The following PDIK1L variants were observed in gnomAD, a reference collection of about 807,000 sequenced individuals.
The protein encoded by PDIK1L is PDLIM1 interacting kinase 1 like, also known as serine/threonine-protein kinase PDIK1L.
PDIK1L carries 9 observed loss-of-function variants against 27.1 expected under a neutral mutation model. The observed-to-expected ratio is 0.33, with a 90% CI of 0.20 to 0.58. The LOEUF is 0.58. Ranked by LOEUF, PDIK1L falls within the 20% of genes least tolerant of loss-of-function variation. The pLI is 0.86. For synonymous variants in PDIK1L, 130 were observed against 141.7 expected (o/e 0.92, Z 0.59); for missense variants, 216 against 413.2 (o/e 0.52, Z 4.14).
rs111424181 is a variant in PDIK1L at position 26,113,334 on chromosome 1, C to CA, written c.-17-949dup. ...GAAACCCCGTCTCTACTAAAAAATA[C>CA]AAAAAAAAATAGCCGGGTGTGGTGG... On this transcript the variant is annotated intron_variant, in intron 1 of 2. Transcript: ENST00000374269. Among the ~76,000 whole-genome samples, 116 of 149,894 alleles carry CA rather than the reference C, an allele frequency of 7.7e-4. 1 individual carries two copies. Among genetic ancestry groups the CA allele is most frequent in the South Asian group, 3.6e-3 (17 of 4,738 alleles).
chr1:26,115,838 A>C (rs779657361), intron 2 of PDIK1L, among the ~76,000 whole-genome samples: 2 of 151,814 alleles, frequency 1.3e-5, no homozygotes, highest in Admixed American at 1.3e-4. Context: ...CATTCTTGGA[A>C]AAGAAAACAA....
Position 26,122,147 on chromosome 1 carries a change from C to A in PDIK1L, c.596C>A (p.Ala199Asp). ...TTTGGTCTAAGTAAAGTTTGTTCAG[C>A]CTCTGGGCAGAACCCAGAAGAACCT... ...ADFGLSKVCS[A>D]SGQNPEEPVS... The change falls in exon 3 of 3, where the codon GCC becomes GAC. Residue 199 changes from alanine to aspartate, a missense_variant. Around this residue, in one of 2 missense-constraint regions of PDIK1L, gnomAD observed 169 missense variants for 366.0 expected, o/e 0.46. Transcript: ENST00000374269. The surrounding 1 kb of genome is among the most constrained non-coding windows in gnomAD (Gnocchi z 5.4). 2 of 1,614,134 alleles carry A rather than the reference C, an allele frequency of 1.2e-6. No individual in the cohort carries two copies. Among genetic ancestry groups the A allele is most frequent in the Non-Finnish European group, 1.7e-6 (2 of 1,180,020 alleles).
intron 2 of PDIK1L, among the ~76,000 whole-genome samples, chr1:26,116,566 A>T (rs986224379): frequency 1.3e-5 from 2 of 152,214 alleles, no homozygotes; most frequent in Non-Finnish European, 2.9e-5. Flanking sequence ...AAAGTTTTGG[A>T]CTAGGAACAA....
intron 1 of PDIK1L, among the ~76,000 whole-genome samples, chr1:26,113,512 A>G (rs2087832036): frequency 1.3e-5 from 2 of 151,950 alleles, no homozygotes; most frequent in South Asian, 2.1e-4. Context: ...AAAAAAAAAA[A>G]AAAAAAAGAA....
chr1:26,111,616 C>T (rs1569795353), upstream of PDIK1L, among the ~76,000 whole-genome samples: 1 of 151,620 alleles, frequency 6.6e-6, no homozygotes, highest in East Asian at 2.0e-4. This position sits in a 1 kb window ranked among gnomAD's most constrained non-coding sequence, Gnocchi z 4.0. Flanking sequence ...GGAGCAGCAC[C>T]AGTGGTGCGC....
chr1:26,120,780 C>T (rs1229800029), intron 2 of PDIK1L, among the ~76,000 whole-genome samples: 1 of 151,962 alleles, frequency 6.6e-6, no homozygotes, highest in African/African-American at 2.4e-5. Flanking sequence ...GGTGAAACCC[C>T]GTCTCTACTA....
In PDIK1L at chr1:26,123,009, T is replaced by C. The variant is rs1456690219; in HGVS notation, c.*432T>C. 1.3e-5 allele frequency: 2 copies of C among 153,016 alleles called. No individual in the cohort carries two copies. The highest frequency in any genetic ancestry group is 2.9e-5 in the Non-Finnish European group (2 of 68,370). The allele number at this position is 153,016 out of a possible 1,614,324, so 9.5% of individuals were successfully genotyped here. On this transcript the variant is annotated 3_prime_UTR_variant, in exon 3 of 3. Transcript: ENST00000374269. Reference sequence around the variant, plus strand: ...GTATATATTTATGTATATGTAAGTATGTGAATGTGCGCATTTTGCATTCCA... The same window carrying C: ...GTATATATTTATGTATATGTAAGTACGTGAATGTGCGCATTTTGCATTCCA...
intron 2 of PDIK1L, among the ~76,000 whole-genome samples, chr1:26,115,744 G>A (rs548811590): frequency 6.6e-6 from 1 of 151,924 alleles, no homozygotes; most frequent in Non-Finnish European, 1.5e-5. Context: ...GGAGCTTGCC[G>A]TGAGCCGAGA....
rs2088047388 is a variant in PDIK1L, at chr1:26,124,628, A to G, written c.*2051A>G. On this transcript the variant is annotated 3_prime_UTR_variant, in exon 3 of 3. Transcript: ENST00000374269. ...GCCTCATGTAAAATAGTTAATGATT[A>G]TCATTTACTTGGAAAGATTTTACCT... 1 of 152,200 alleles carries G rather than the reference A, an allele frequency of 6.6e-6. No individual in the cohort carries two copies. The highest frequency in any genetic ancestry group is 1.5e-5 in the Non-Finnish European group (1 of 68,022). 9.4% of individuals were successfully genotyped at this position (152,200 alleles called of 1,614,324 possible).
In PDIK1L at chr1:26,114,676, G is replaced by A. The variant is rs2087851439; in HGVS notation, c.285+83G>A. 14 of 1,435,966 alleles carry A rather than the reference G, an allele frequency of 9.7e-6. No individual in the cohort carries two copies. In the Admixed American group the frequency reaches 1.2e-4, roughly 12 times the overall value. 89.0% of individuals were successfully genotyped at this position (1,435,966 alleles called of 1,614,324 possible). Reference sequence around the variant, plus strand: ...AGAGGAATGAAAGGGTCAGACGAACGTTTCCCTTTAAATGCAGGTGTTTGT... The same window carrying A: ...AGAGGAATGAAAGGGTCAGACGAACATTTCCCTTTAAATGCAGGTGTTTGT... On this transcript the variant is annotated intron_variant, in intron 2 of 2. Transcript: ENST00000374269. The surrounding 1 kb of genome is among the most constrained non-coding windows in gnomAD (Gnocchi z 4.8).
At chr1:26,116,598 T>G (rs1000338922) in intron 2 of PDIK1L, among the ~76,000 whole-genome samples, 2 of 152,330 alleles carry the variant, frequency 1.3e-5, no homozygotes, top group African/African-American at 2.4e-5. Flanking sequence ...AATACACGAA[T>G]GTATGTATTA....
intron 1 of PDIK1L, among the ~76,000 whole-genome samples, chr1:26,113,377 A>G (rs1569799869): frequency 6.6e-6 from 1 of 151,924 alleles, no homozygotes. Flanking sequence ...CTATAGTCCC[A>G]GCTACTCGGG....
chr1:26,116,202 CA>C (rs56019165), intron 2 of PDIK1L, among the ~76,000 whole-genome samples: 24,147 of 128,452 alleles, frequency 0.19, 2,036 homozygotes, highest in Middle Eastern at 0.27. Flanking sequence ...GACTCCATCT[CA>C]AAAAAAAAAA....
At chr1:26,116,188 G>A (rs1259676176) in intron 2 of PDIK1L, among the ~76,000 whole-genome samples, 6 of 148,840 alleles carry the variant, frequency 4.0e-5, no homozygotes, top group African/African-American at 1.5e-4. Context: ...GGGGGACAGA[G>A]CAAGACTCCA....
intron 2 of PDIK1L, among the ~76,000 whole-genome samples, chr1:26,119,490 A>G (rs1410908884): frequency 6.6e-6 from 1 of 152,170 alleles, no homozygotes; most frequent in Admixed American, 6.5e-5. Flanking sequence ...AGTTAGCTAG[A>G]TAAGTGAGAA....
intron 1 of PDIK1L, among the ~76,000 whole-genome samples, chr1:26,113,497 C>CA (rs1337369466): frequency 3.5e-5 from 3 of 85,658 alleles, no homozygotes; most frequent in African/African-American, 8.6e-5. Flanking sequence ...GAGACTCCGT[C>CA]TAAAAAAAAA....
intron 1 of PDIK1L, among the ~76,000 whole-genome samples, chr1:26,112,252 C>T (rs1246302411): frequency 6.6e-6 from 1 of 152,238 alleles, no homozygotes; most frequent in African/African-American, 2.4e-5. Flanking sequence ...CCTGAGCCGC[C>T]GCGTCGGGCA....
intron 2 of PDIK1L, among the ~76,000 whole-genome samples, chr1:26,116,248 G>A (rs1040378568): frequency 1.5e-4 from 22 of 150,890 alleles, no homozygotes; most frequent in African/African-American, 4.9e-4. Flanking sequence ...GGTGGCTTAC[G>A]CCTCTAATCC....
At chr1:26,116,571 G>T (rs543049112) in intron 2 of PDIK1L, among the ~76,000 whole-genome samples, 90 of 152,252 alleles carry the variant, frequency 5.9e-4, no homozygotes, top group African/African-American at 2.1e-3. Context: ...TTTGGACTAG[G>T]AACAACAAAG....
Sources: gnomAD v4.1 joint callset for allele counts (sites outside exome capture counted in the v4.1 genomes callset) on GRCh38, gnomAD v4.1.1 for gene constraint, gnomAD v4.1.1 regional missense constraint, Gnocchi (gnomAD v3.1) non-coding constraint, MANE v1.5 for transcripts, NCBI Gene and HGNC (gene_info 2026-07-23, HGNC 2026-07-21) for gene names.